Variants in MCF2L observed in about 807,000 individuals in gnomAD.
The protein encoded by MCF2L is guanine nucleotide exchange factor DBS.
In MCF2L, 97 loss-of-function variants were observed where a neutral mutation model predicts 153.4. That is an observed-to-expected ratio of 0.63 (90% CI 0.54 to 0.75). MCF2L has a LOEUF of 0.75. MCF2L is among the 30% of genes least tolerant of loss of function. The pLI, the probability that MCF2L is intolerant of heterozygous loss-of-function variation, is 0.00. For synonymous variants in MCF2L, 659 were observed against 632.2 expected (o/e 1.04, Z -0.64); for missense variants, 1,347 against 1,495.2 (o/e 0.90, Z 1.64).
chr13:113,077,477 T>C (rs1160155397), intron 13 of MCF2L, among the ~76,000 whole-genome samples: 1 of 152,202 alleles, frequency 6.6e-6, no homozygotes, highest in Non-Finnish European at 1.5e-5. Flanking sequence ...TGCTTTTCCA[T>C]GAGGCTGGCA....
At chr13:113,020,245 G>A (rs2993302) in intron 2 of MCF2L, among the ~76,000 whole-genome samples, 65,809 of 152,076 alleles carry the variant, frequency 0.43, 14,810 homozygotes, top group South Asian at 0.68. Context: ...CAGCTCATGT[G>A]GGTGAGTTTC....
At chr13:112,918,157 G>C (rs931806775) in intron 2 of MCF2L, among the ~76,000 whole-genome samples, 3 of 152,224 alleles carry the variant, frequency 2.0e-5, no homozygotes, top group African/African-American at 7.2e-5. Context: ...CGCAAATTAA[G>C]GGAACGCACT....
At chr13:113,032,892 T>C (rs1352892415) in intron 3 of MCF2L, among the ~76,000 whole-genome samples, 1 of 152,246 alleles carries the variant, frequency 6.6e-6, no homozygotes. Context: ...AAAGGCTTCC[T>C]GGCCCCTGTG....
intron 1 of MCF2L, chr13:112,979,860 A>C: frequency 9.2e-7 from 1 of 1,085,898 alleles, no homozygotes; most frequent in East Asian, 2.6e-5. Flanking sequence ...TTCTCTCACC[A>C]CTTGACCAGC....
intron 4 of MCF2L, among the ~76,000 whole-genome samples, chr13:113,051,527 A>G (rs2141619557): frequency 6.6e-6 from 1 of 152,312 alleles, no homozygotes; most frequent in East Asian, 1.9e-4. Context: ...GGAGATCCAG[A>G]GGCCCCAAGC....
At chr13:112,898,107 G>C (rs554216979) in intron 1 of MCF2L, among the ~76,000 whole-genome samples, 63 of 152,326 alleles carry the variant, frequency 4.1e-4, no homozygotes, top group African/African-American at 1.3e-3. Flanking sequence ...ATTAATACTG[G>C]CGATTTACAG....
At chr13:112,991,917 C>T (rs746569224) in intron 1 of MCF2L, among the ~76,000 whole-genome samples, 3 of 152,214 alleles carry the variant, frequency 2.0e-5, no homozygotes, top group Non-Finnish European at 4.4e-5. Flanking sequence ...CTGTCTTACC[C>T]TCCCTAGTGA....
intron 4 of MCF2L, among the ~76,000 whole-genome samples, chr13:113,056,952 G>A (rs549683930): frequency 1.4e-4 from 20 of 142,892 alleles, no homozygotes; most frequent in African/African-American, 5.3e-4. Flanking sequence ...TGGGTGCTGT[G>A]TGTTTGGGTG....
intron 1 of MCF2L, among the ~76,000 whole-genome samples, chr13:113,004,295 G>A (rs1337688715): frequency 6.6e-6 from 1 of 152,174 alleles, no homozygotes; most frequent in Admixed American, 6.5e-5. Flanking sequence ...GTCAGTGTGC[G>A]GCCACACTTG....
Position 112,943,644 on chromosome 13 carries a change from A to C in MCF2L, c.169+41273A>C, listed in dbSNP as rs1365054416. ...GCGCGGGGGGCGGGACCTGCCGGCC[A>C]GTCCCTTACCCGGGGACAGACGGGG... On this transcript the variant is annotated intron_variant, in intron 2 of 29. Transcript: ENST00000375608. The surrounding 1 kb of genome is among the most constrained non-coding windows in gnomAD (Gnocchi z 4.2). Among the ~76,000 whole-genome samples the C allele has an allele frequency of 6.6e-6, 1 of 152,124 alleles. No individual in the cohort carries two copies. Among genetic ancestry groups the C allele is most frequent in the African/African-American group, 2.4e-5 (1 of 41,452 alleles).
chr13:113,031,036 GAGACAGAGACAGACAGAT>G lies in MCF2L; in HGVS notation c.278+6280_278+6297del, dbSNP rs1219280835. 2.1e-4 allele frequency among the ~76,000 whole-genome samples: 15 copies of G among 69,986 alleles called. No individual in the cohort carries two copies. The highest frequency in any genetic ancestry group is 1.2e-3 in the African/African-American group (14 of 11,528). 45.9% of individuals were successfully genotyped at this position (69,986 alleles called of 152,430 possible). A position where few individuals can be genotyped will look rare whatever the true frequency, so the allele number is the denominator to read the frequency against. ...AATGTGAGAAAGAAAGAGAGACAGA[GAGACAGAGACAGACAGAT>G]ACAGACAGAGAGACAGAGACAGACA... On this transcript the variant is annotated intron_variant, in intron 3 of 29. Coordinates refer to ENST00000535094, the MANE Select transcript of MCF2L (RefSeq NM_001112732.3). This position sits in a 1 kb window ranked among gnomAD's most constrained non-coding sequence, Gnocchi z 5.5.
rs538567167 is a variant in MCF2L, at chr13:112,903,956, G to A, written c.169+1585G>A. Among the ~76,000 whole-genome samples, 50 of 152,292 alleles carry A rather than the reference G, an allele frequency of 3.3e-4. No homozygotes were observed. The East Asian group carries it at 6.2e-3, about 19-fold the overall frequency. The stretch of plus-strand genomic sequence containing the variant: ...GCAGGAGTGAGGGGCTACTTAGCGC[G>A]TGCAGACAGCTGGCTGCCCTGACCT... On this transcript the variant is annotated intron_variant, in intron 2 of 29. Transcript: ENST00000375608.
At chr13:113,009,583 T>TC (rs11421304) in intron 1 of MCF2L, 129,546 of 152,040 alleles carry the variant, frequency 0.85, 55,404 homozygotes, top group Middle Eastern at 0.95. Context: ...GTCCTGTTTA[T>TC]CCCCTGACCC....
intron 4 of MCF2L, among the ~76,000 whole-genome samples, chr13:113,048,094 A>G (rs926782876): frequency 2.0e-5 from 3 of 152,262 alleles, no homozygotes; most frequent in African/African-American, 7.2e-5. Context: ...GTCACCCTAC[A>G]GGATAGCGAA....
Position 112,960,252 on chromosome 13 carries a change from C to T in MCF2L, c.170-54511C>T, listed in dbSNP as rs996867122. 1.3e-5 allele frequency among the ~76,000 whole-genome samples: 2 copies of T among 152,204 alleles called. No homozygotes were observed. Among genetic ancestry groups the T allele is most frequent in the African/African-American group, 2.4e-5 (1 of 41,446 alleles). ...CCCTGAGCTGCGTCTTTCCAAGAGA[C>T]GGCCTCACCCGGTGAGAGAGCGGAG... On this transcript the variant is annotated intron_variant, in intron 2 of 29. Coordinates refer to the MCF2L transcript ENST00000375608. The surrounding 1 kb of genome is among the most constrained non-coding windows in gnomAD (Gnocchi z 4.2).
In MCF2L at chr13:113,078,694, G is replaced by A. The variant is rs1286949454; in HGVS notation, c.1763G>A (p.Arg588His). 1.1e-5 allele frequency: 17 copies of A among 1,611,102 alleles called. No homozygotes were observed. The highest frequency in any genetic ancestry group is 5.3e-5 in the African/African-American group (4 of 74,942). Reference protein sequence around the residue: ...KSEMSESRQGRGSAGEEEESL... With the variant: ...KSEMSESRQGHGSAGEEEESL... ...GAGATGAGTGAGAGCCGGCAGGGCC[G>A]CGGCTCAGCGGGGGAGGAGGAGGAA... Residue 588 changes from arginine to histidine, a missense_variant, in exon 15 of 30, where the codon CGC (arginine) becomes CAC (histidine). Arg to His is a conservative substitution (Grantham distance 29). Coordinates refer to ENST00000535094, the MANE Select transcript of MCF2L (RefSeq NM_001112732.3).
chr13:113,071,440 A>T (rs139180531), intron 9 of MCF2L, among the ~76,000 whole-genome samples: 41 of 152,282 alleles, frequency 2.7e-4, no homozygotes, highest in Non-Finnish European at 4.4e-4. Context: ...TTCTCCTTTT[A>T]AGGTTTATAC....
chr13:112,953,517 A>G (rs1187257193), intron 2 of MCF2L, among the ~76,000 whole-genome samples: 1 of 152,232 alleles, frequency 6.6e-6, no homozygotes, highest in Non-Finnish European at 1.5e-5. Flanking sequence ...CTCGAAGACC[A>G]CAGTGCCTGC....
intron 2 of MCF2L, among the ~76,000 whole-genome samples, chr13:112,953,769 G>A (rs2081723136): frequency 6.6e-6 from 1 of 152,188 alleles, no homozygotes; most frequent in African/African-American, 2.4e-5. Context: ...CAGACCTGGG[G>A]CTGAGCCTGA....
Sources: gnomAD v4.1 joint callset for allele counts (sites outside exome capture counted in the v4.1 genomes callset) on GRCh38, gnomAD v4.1.1 for gene constraint, Gnocchi (gnomAD v3.1) non-coding constraint, MANE v1.5 for transcripts, NCBI Gene and HGNC (gene_info 2026-07-23, HGNC 2026-07-21) for gene names.